Variants in UGT2A1 observed in about 807,000 individuals in gnomAD.
The protein encoded by UGT2A1 is UDP glucuronosyltransferase family 2 member A1 complex locus.
Under a neutral mutation model 45.4 loss-of-function variants are expected in UGT2A1, and 61 were observed. The ratio of observed to expected loss-of-function variants is 1.34; its 90% confidence interval spans 1.09 to 1.66. UGT2A1 has a LOEUF of 1.66. Ranked by LOEUF, UGT2A1 falls within the 40% of genes most tolerant of loss-of-function variation. The probability of loss-of-function intolerance (pLI) is 0.00; values close to 1 mark genes in which losing one functional copy is unlikely to be tolerated. For missense variants in UGT2A1, 649 were observed against 574.3 expected, an observed-to-expected ratio of 1.13 and a Z score of -1.33; for synonymous variants, 229 against 196.2, an observed-to-expected ratio of 1.17 and a Z score of -1.40.
intron 2 of UGT2A1, among the ~76,000 whole-genome samples, chr4:69,644,404 G>T (rs1722165934): frequency 6.6e-6 from 1 of 151,682 alleles, no homozygotes; most frequent in African/African-American, 2.4e-5. Context: ...AATACAAATT[G>T]TGACCAAGAG....
chr4:69,627,124 TACTG>T (rs1331447252), intron 3 of UGT2A1, among the ~76,000 whole-genome samples: 1 of 151,946 alleles, frequency 6.6e-6, no homozygotes, highest in Non-Finnish European at 1.5e-5. Flanking sequence ...TATTTGCACA[TACTG>T]ACACACACAT....
chr4:69,611,972 T>C lies in UGT2A1; in HGVS notation c.848-12578A>G, dbSNP rs4148293. ...TGTATAGCAAGAAAAATTTCCTCTG[T>C]TGACTTGTCCCTGTGTGGAAGAAAA... On this transcript the variant is annotated intron_variant, in intron 3 of 6. Coordinates refer to ENST00000286604, the MANE Select transcript of UGT2A1 (RefSeq NM_001252275.3). Among the ~76,000 whole-genome samples, 31 of 152,244 alleles carry C rather than the reference T, an allele frequency of 2.0e-4. No individual in the cohort carries two copies. The East Asian group carries it at 6.0e-3, about 29-fold the overall frequency.
intron 3 of UGT2A1, among the ~76,000 whole-genome samples, chr4:69,609,727 A>G (rs1181645315): frequency 1.3e-5 from 2 of 152,126 alleles, no homozygotes; most frequent in African/African-American, 4.8e-5. Context: ...GGGTGAAAAT[A>G]AATGGTTTAT....
chr4:69,610,345 G>C (rs1434412423), intron 3 of UGT2A1, among the ~76,000 whole-genome samples: 2 of 151,922 alleles, frequency 1.3e-5, no homozygotes, highest in East Asian at 3.9e-4. Context: ...ACATTTTCTG[G>C]GGCAGGGTAC....
intron 3 of UGT2A1, among the ~76,000 whole-genome samples, chr4:69,619,742 C>A (rs1314839046): frequency 6.6e-6 from 1 of 151,998 alleles, no homozygotes; most frequent in African/African-American, 2.4e-5. Context: ...AATATTGATG[C>A]AAAAATCCTC....
At chr4:69,612,165 T>C (rs1577967993) in intron 3 of UGT2A1, among the ~76,000 whole-genome samples, 3 of 152,146 alleles carry the variant, frequency 2.0e-5, no homozygotes, top group East Asian at 1.9e-4. Context: ...AGACTTCATG[T>C]ATGAAAATCA....
At chr4:69,621,033 C>T (rs1274602274) in intron 3 of UGT2A1, among the ~76,000 whole-genome samples, 1 of 151,806 alleles carries the variant, frequency 6.6e-6, no homozygotes, top group African/African-American at 2.4e-5. Context: ...ATGTAAAACC[C>T]AAAACTATAG....
chr4:69,620,325 C>T (rs2109934745), intron 3 of UGT2A1, among the ~76,000 whole-genome samples: 1 of 141,094 alleles, frequency 7.1e-6, no homozygotes, highest in South Asian at 2.2e-4. Flanking sequence ...CACTGCCATT[C>T]CTATACACCA....
chr4:69,598,061 A>G (rs1329616331), intron 4 of UGT2A1, among the ~76,000 whole-genome samples: 1 of 152,154 alleles, frequency 6.6e-6, no homozygotes, highest in Non-Finnish European at 1.5e-5. Flanking sequence ...GTCATTATCC[A>G]GTGACCTATG....
intron 2 of UGT2A1, among the ~76,000 whole-genome samples, chr4:69,646,608 A>G (rs1197819001): frequency 6.6e-6 from 1 of 151,750 alleles, no homozygotes; most frequent in Non-Finnish European, 1.5e-5. Flanking sequence ...TCCACACATC[A>G]CTGCAGTTTC....
At chr4:69,646,891 G>C in intron 2 of UGT2A1, 39 bp downstream of exon 2, 1 of 1,424,796 alleles carries the variant, frequency 7.0e-7, no homozygotes, top group Non-Finnish European at 9.4e-7. Context: ...AGGTCTGTTT[G>C]TTCAAATTCA....
At chr4:69,616,496 G>A (rs1055178976) in intron 3 of UGT2A1, among the ~76,000 whole-genome samples, 29 of 151,676 alleles carry the variant, frequency 1.9e-4, no homozygotes, top group Non-Finnish European at 2.9e-4. Context: ...CCTGTAAATC[G>A]ATACAACTAT....
Position 69,594,165 on chromosome 4 carries a change from A to G in UGT2A1, c.1304+312T>C, listed in dbSNP as rs554028781. Among the ~76,000 whole-genome samples the G allele has an allele frequency of 6.9e-4, 104 of 151,818 alleles. No individual in the cohort carries two copies. In the Middle Eastern group the frequency reaches 0.01, roughly 15 times the overall value. On this transcript the variant is annotated intron_variant, in intron 6 of 6. Coordinates refer to ENST00000286604, the MANE Select transcript of UGT2A1 (RefSeq NM_001252275.3). ...AAATTTTTGTATTTTTAGTAGAGAC[A>G]GGGTTTCACCGTGTTAGCCAGGATG...
intron 6 of UGT2A1, among the ~76,000 whole-genome samples, chr4:69,591,101 A>T (rs1157446723): frequency 1.3e-5 from 2 of 152,176 alleles, no homozygotes; most frequent in Non-Finnish European, 2.9e-5. Flanking sequence ...CAGTATTTAT[A>T]GTTCTCATTT....
In UGT2A1 at chr4:69,589,575, A is replaced by T; in HGVS notation, c.1381T>A (p.Trp461Arg). ...PVKPLDRAVFWIEFVMRHKGA... is the reference protein window; with the variant it reads ...PVKPLDRAVFRIEFVMRHKGA... ...TTGTGGCGCATGACAAACTCGATCC[A>T]GAAGACTGCTCGATCCAGGGGCTTT... Residue 461 changes from tryptophan to arginine, a missense_variant, in exon 7 of 7, where the codon TGG becomes AGG. Trp to Arg is a moderately radical substitution (Grantham distance 101). Transcript: ENST00000286604. The T allele has an allele frequency of 6.2e-7, 1 of 1,614,088 alleles. No individual in the cohort carries two copies. The highest frequency in any genetic ancestry group is 8.5e-7 in the Non-Finnish European group (1 of 1,179,942).
intron 6 of UGT2A1, 110 bp from the exon 7 acceptor site, chr4:69,589,761 G>T: frequency 7.1e-7 from 1 of 1,400,492 alleles, no homozygotes; most frequent in South Asian, 1.5e-5. Context: ...TAGTTACGTG[G>T]AGAAAATATA....
chr4:69,608,097 T>G (rs573528486), intron 3 of UGT2A1, among the ~76,000 whole-genome samples: 2 of 152,210 alleles, frequency 1.3e-5, no homozygotes, highest in South Asian at 2.1e-4. Context: ...CATAAATCAT[T>G]CTGCTATAAA....
Position 69,601,737 on chromosome 4 carries a change from C to G in UGT2A1, c.848-2343G>C, listed in dbSNP as rs990590901. On this transcript the variant is annotated intron_variant, in intron 3 of 6. Coordinates refer to ENST00000286604, the MANE Select transcript of UGT2A1 (RefSeq NM_001252275.3). ...CCTGCCACCCCTGTCAGAGCTGGTG[C>G]TGGTATCCACTGATGGGAGACTAGA... Among the ~76,000 whole-genome samples, 3 of 139,694 alleles carry G rather than the reference C, an allele frequency of 2.1e-5. 1 individual carries two copies. Among genetic ancestry groups the G allele is most frequent in the Non-Finnish European group, 4.6e-5 (3 of 64,836 alleles). 91.6% of individuals were successfully genotyped at this position (139,694 alleles called of 152,430 possible).
chr4:69,625,119 C>A (rs1307902472), intron 3 of UGT2A1, among the ~76,000 whole-genome samples: 2 of 150,752 alleles, frequency 1.3e-5, no homozygotes, highest in South Asian at 4.2e-4. Context: ...GGTGTAATTG[C>A]TGTTTTGTAG....
Sources: allele counts gnomAD v4.1 joint callset (sites outside exome capture counted in the v4.1 genomes callset), GRCh38; gene constraint gnomAD v4.1.1; transcripts MANE v1.5; gene names NCBI Gene and HGNC (gene_info 2026-07-23, HGNC 2026-07-21).